Variants in WDR35 observed in about 807,000 individuals in gnomAD.
The protein encoded by WDR35 is WD repeat-containing protein 35.
Under a neutral mutation model 158.3 loss-of-function variants are expected in WDR35, and 118 were observed. The ratio of observed to expected loss-of-function variants is 0.75; its 90% confidence interval spans 0.64 to 0.87. The LOEUF (loss-of-function observed/expected upper bound fraction) is 0.87. Ranked by LOEUF, WDR35 falls within the 40% of genes least tolerant of loss-of-function variation. The probability of loss-of-function intolerance (pLI) is 0.00; values close to 1 mark genes in which losing one functional copy is unlikely to be tolerated. For missense variants in WDR35, 1,263 were observed against 1,405.8 expected (o/e 0.90, Z 1.62); for synonymous variants, 448 against 476.1 (o/e 0.94, Z 0.77).
chr2:19,918,659 C>T (rs1388887376), intron 25 of WDR35, among the ~76,000 whole-genome samples: 1 of 152,198 alleles, frequency 6.6e-6, no homozygotes, highest in Non-Finnish European at 1.5e-5. Context: ...AAGGGCATTA[C>T]ATAATGTTAA....
chr2:19,970,696 G>A (rs1274072296), intron 8 of WDR35, among the ~76,000 whole-genome samples: 1 of 152,068 alleles, frequency 6.6e-6, no homozygotes, highest in Non-Finnish European at 1.5e-5. Flanking sequence ...ACTGCTGTGT[G>A]CCTGCTCGTG....
At chr2:19,981,010 A>G (rs555538296) in intron 3 of WDR35, among the ~76,000 whole-genome samples, 12 of 152,308 alleles carry the variant, frequency 7.9e-5, no homozygotes, top group African/African-American at 2.9e-4. Context: ...TCATCCCAGT[A>G]AAGACACCAA....
intron 10 of WDR35, among the ~76,000 whole-genome samples, 167 bp downstream of exon 10, chr2:19,966,557 A>G (rs1671859573): frequency 6.6e-6 from 1 of 152,220 alleles, no homozygotes; most frequent in African/African-American, 2.4e-5. Context: ...TCAGGGACAC[A>G]GCATCAATGG....
chr2:19,969,411 T>C, intron 9 of WDR35, 69 bp downstream of exon 9: 3 of 1,511,360 alleles, frequency 2.0e-6, no homozygotes, highest in Non-Finnish European at 2.7e-6. Context: ...GCTTTGAATA[T>C]ACTTTGAGCT....
In WDR35 at chr2:19,978,768, A is replaced by C; in HGVS notation, c.419T>G (p.Ile140Arg). 2 of 1,613,878 alleles carry C rather than the reference A, an allele frequency of 1.2e-6. No homozygotes were observed. The highest frequency in any genetic ancestry group is 1.7e-6 in the Non-Finnish European group (2 of 1,179,846). The change falls in exon 5 of 27, where the codon ATA (isoleucine) becomes AGA (arginine). Residue 140 changes from isoleucine (I) to arginine (R), a missense_variant. Physicochemically the swap from Ile to Arg is moderately conservative, Grantham distance 97 (BLOSUM62 -3). Transcript: ENST00000281405. ...ICIVYEDGAV[I>R]VGSVDGNRIW... is the part of the protein sequence containing the mutation. ...TACATTACCATCCACTGAACCAACT[A>C]TCACAGCCCCATCTTCATATACAAT...
chr2:19,966,821 T>C lies in WDR35; in HGVS notation c.1097A>G (p.Asn366Ser), dbSNP rs367673048. 5 of 1,613,852 alleles carry C rather than the reference T, an allele frequency of 3.1e-6. No individual in the cohort carries two copies. In the African/African-American group the frequency reaches 4.0e-5, roughly 13 times the overall value. Residue 366 changes from asparagine (N) to serine (S), a missense_variant, in exon 10 of 27, where the codon AAT (asparagine) becomes AGT (serine). By Grantham distance (46) the Asn-to-Ser change is conservative (BLOSUM62 1). Coordinates refer to ENST00000281405, the MANE Select transcript of WDR35 (RefSeq NM_020779.4). ...YCVVFWDTKNNEKYVKYVKGL... is the reference protein window; with the variant it reads ...YCVVFWDTKNSEKYVKYVKGL... ...CTTCACATATTTAACATATTTTTCA[T>C]TGTTTTTCGTATCCCAGAAGACAAC...
chr2:19,973,898 A>C (rs1270946426), intron 7 of WDR35, among the ~76,000 whole-genome samples, 190 bp from the exon 8 acceptor site: 2 of 151,852 alleles, frequency 1.3e-5, no homozygotes, highest in African/African-American at 2.4e-5. Context: ...ACTTGAGTCC[A>C]GGAGTTCAAG....
chr2:19,977,936 T>A (rs1325454756), intron 5 of WDR35, among the ~76,000 whole-genome samples: 1 of 152,218 alleles, frequency 6.6e-6, no homozygotes, highest in Non-Finnish European at 1.5e-5. Context: ...TTGTGGCTAA[T>A]GCCTCAGCAT....
chr2:19,983,214 T>C (rs1672444767), intron 2 of WDR35, among the ~76,000 whole-genome samples: 1 of 151,932 alleles, frequency 6.6e-6, no homozygotes, highest in African/African-American at 2.4e-5. Context: ...GACTGAGAGG[T>C]AAACTGGAGA....
At chr2:19,945,110 A>C (rs750326264) in intron 16 of WDR35, among the ~76,000 whole-genome samples, 7 of 152,156 alleles carry the variant, frequency 4.6e-5, no homozygotes, top group Non-Finnish European at 1.5e-5. Flanking sequence ...TTTCCTAAAT[A>C]CAACAGCTGA....
intron 23 of WDR35, among the ~76,000 whole-genome samples, chr2:19,931,823 A>G (rs1391959134): frequency 6.6e-6 from 1 of 152,162 alleles, no homozygotes; most frequent in Non-Finnish European, 1.5e-5. Flanking sequence ...TGATTTTAAG[A>G]GATATTTTTC....
intron 10 of WDR35, 146 bp from the exon 11 acceptor site, chr2:19,960,760 G>C: frequency 1.6e-6 from 1 of 640,698 alleles, no homozygotes. Context: ...AAAAATAGCA[G>C]ACAAAAAGAA....
chr2:19,946,463 A>G lies in WDR35; in HGVS notation c.1632T>C (p.Ser544=), dbSNP rs528665641. 101 of 1,610,684 alleles carry G rather than the reference A, an allele frequency of 6.3e-5. 1 individual carries two copies. In the South Asian group the frequency reaches 1.1e-3, roughly 17 times the overall value. ...RAYQLSLNCN[S]SRLAIIDISG... is the part of the protein sequence containing the mutation. The stretch of plus-strand genomic sequence containing the variant: ...ATGAGCAGAGTTTTCAGGCTTACCT[A>G]GAGTTGCAATTCAAGGATAACTGGT... Residue 544 remains serine, a splice_region_variant and synonymous_variant, in exon 15 of 27, where the codon TCT becomes TCC. Coordinates refer to ENST00000281405, the MANE Select transcript of WDR35 (RefSeq NM_020779.4).
At chr2:19,975,703 T>C (rs1450469085) in intron 5 of WDR35, 40 bp from the exon 6 acceptor site, 2 of 1,613,490 alleles carry the variant, frequency 1.2e-6, no homozygotes, top group East Asian at 2.2e-5. Context: ...AAGGTCATGA[T>C]CCTCCAACAA....
intron 12 of WDR35, among the ~76,000 whole-genome samples, chr2:19,952,766 C>T (rs968191747): frequency 6.7e-6 from 1 of 148,960 alleles, no homozygotes; most frequent in African/African-American, 2.5e-5. Context: ...CACATGAATT[C>T]GCATACTCAA....
At chr2:19,938,756 C>CTAA (rs1670779235) in intron 17 of WDR35, among the ~76,000 whole-genome samples, 1 of 152,144 alleles carries the variant, frequency 6.6e-6, no homozygotes, top group Admixed American at 6.5e-5. Context: ...CCTAGCTGTA[C>CTAA]TATTTACGGT....
At position 19,966,711 on chromosome 2, in the gene WDR35, A is replaced by G; in HGVS notation, c.1194+13T>C. ...TAGCCCAGCTATGTCTTAAGATATC[A>G]AGAAACACCTACCTGAGGATGATTT... On this transcript the variant is annotated intron_variant, in intron 10 of 26. Coordinates refer to ENST00000281405, the MANE Select transcript of WDR35 (RefSeq NM_020779.4). 1 of 1,613,226 alleles carries G rather than the reference A, an allele frequency of 6.2e-7. No individual in the cohort carries two copies. Among genetic ancestry groups the G allele is most frequent in the Non-Finnish European group, 8.5e-7 (1 of 1,179,754 alleles).
intron 25 of WDR35, among the ~76,000 whole-genome samples, chr2:19,926,521 T>C (rs1447960293): frequency 6.6e-6 from 1 of 152,230 alleles, no homozygotes; most frequent in Non-Finnish European, 1.5e-5. Context: ...TAATTGAAAA[T>C]GCTCAGTTAT....
chr2:19,920,565 T>C (rs1670138584), intron 25 of WDR35, among the ~76,000 whole-genome samples: 1 of 152,182 alleles, frequency 6.6e-6, no homozygotes, highest in Non-Finnish European at 1.5e-5. Context: ...AACTAGGCAC[T>C]GATGGAACAT....
Sources: gnomAD v4.1 joint callset for allele counts (sites outside exome capture counted in the v4.1 genomes callset) on GRCh38, gnomAD v4.1.1 for gene constraint, MANE v1.5 for transcripts, NCBI Gene and HGNC (gene_info 2026-07-23, HGNC 2026-07-21) for gene names.